The following SCMH1 variants were observed in gnomAD, a reference collection of about 807,000 sequenced individuals.
The protein encoded by SCMH1 is Scm polycomb group protein homolog 1.
A neutral mutation model predicts 70.8 loss-of-function variants in SCMH1; 37 were observed. That is an observed-to-expected ratio of 0.52 (90% CI 0.40 to 0.69). SCMH1 has a LOEUF of 0.69. Among genes scored for constraint, SCMH1 ranks in the 30% least tolerant of loss-of-function variants. The probability of loss-of-function intolerance (pLI) is 0.00; values close to 1 mark genes in which losing one functional copy is unlikely to be tolerated. For missense variants in SCMH1, 607 were observed against 827.3 expected (o/e 0.73, Z 3.27); for synonymous variants, 292 against 307.4 (o/e 0.95, Z 0.52).
chr1:41,174,261 A>ATTTT (rs140469563), intron 2 of SCMH1, among the ~76,000 whole-genome samples: 1 of 141,778 alleles, frequency 7.1e-6, no homozygotes, highest in Non-Finnish European at 1.5e-5. Flanking sequence ...AAAGTCTCCA[A>ATTTT]TTTTTTTTTT....
chr1:41,207,819 C>T lies in SCMH1; in HGVS notation c.-117-21569G>A, dbSNP rs548341755. Reference sequence around the variant, plus strand: ...GTGGAGAAATAGGAACACTTTTACACTGTTGGTGGGACTGTAAACTAGTTC... The same window carrying T: ...GTGGAGAAATAGGAACACTTTTACATTGTTGGTGGGACTGTAAACTAGTTC... On this transcript the variant is annotated intron_variant, in intron 1 of 14. Transcript: ENST00000337495. Among the ~76,000 whole-genome samples the T allele has an allele frequency of 1.1e-4, 16 of 151,970 alleles. No individual in the cohort carries two copies. In the East Asian group the frequency reaches 3.1e-3, roughly 30 times the overall value.
intron 10 of SCMH1, among the ~76,000 whole-genome samples, chr1:41,065,402 T>C (rs1027104529): frequency 2.7e-4 from 41 of 152,236 alleles, no homozygotes; most frequent in African/African-American, 8.4e-4. Context: ...CCAGGAAGAT[T>C]GAGGCTGCAG....
chr1:41,138,260 T>C (rs1161650328), intron 6 of SCMH1, among the ~76,000 whole-genome samples: 1 of 152,180 alleles, frequency 6.6e-6, no homozygotes, highest in African/African-American at 2.4e-5. Context: ...TACTAAAATA[T>C]GTCTTAGAGT....
At chr1:41,204,020 A>T (rs1300561094) in intron 1 of SCMH1, among the ~76,000 whole-genome samples, 6 of 152,144 alleles carry the variant, frequency 3.9e-5, no homozygotes, top group African/African-American at 1.4e-4. Flanking sequence ...GGTCTCAGCA[A>T]TGTTGTTCAA....
chr1:41,077,186 A>G (rs1385428241), intron 8 of SCMH1, among the ~76,000 whole-genome samples: 1 of 152,138 alleles, frequency 6.6e-6, no homozygotes, highest in Non-Finnish European at 1.5e-5. Flanking sequence ...GATTAGATGA[A>G]CTGGAATTCC....
chr1:41,069,238 G>T (rs918427706), intron 10 of SCMH1, among the ~76,000 whole-genome samples: 2 of 152,102 alleles, frequency 1.3e-5, no homozygotes, highest in African/African-American at 4.8e-5. Flanking sequence ...ATGGAGTTGG[G>T]GTAGGGAAAT....
chr1:41,190,229 A>T (rs773155892), intron 1 of SCMH1, among the ~76,000 whole-genome samples: 62 of 152,344 alleles, frequency 4.1e-4, no homozygotes, highest in Middle Eastern at 3.4e-3. Context: ...TTAAGAAACT[A>T]GGGAAGGTTA....
chr1:41,102,790 G>C (rs552599238), intron 8 of SCMH1, among the ~76,000 whole-genome samples: 1 of 152,238 alleles, frequency 6.6e-6, no homozygotes, highest in South Asian at 2.1e-4. Flanking sequence ...GTCTGCTAAT[G>C]GCTAGTCAAG....
intron 1 of SCMH1, among the ~76,000 whole-genome samples, chr1:41,232,600 TAA>T (rs1661519889): frequency 6.6e-6 from 1 of 152,208 alleles, no homozygotes; most frequent in African/African-American, 2.4e-5. Flanking sequence ...CTATTACTTA[TAA>T]ACTGCATAAT....
At chr1:41,135,282 T>A (rs1643096142) in intron 6 of SCMH1, among the ~76,000 whole-genome samples, 1 of 152,154 alleles carries the variant, frequency 6.6e-6, no homozygotes, top group African/African-American at 2.4e-5. Flanking sequence ...ACATCAGGCC[T>A]TACATGCTTT....
chr1:41,184,697 T>C (rs761639882), intron 2 of SCMH1, among the ~76,000 whole-genome samples: 7 of 152,030 alleles, frequency 4.6e-5, no homozygotes, highest in Non-Finnish European at 7.4e-5. Flanking sequence ...CTGTGGAGGA[T>C]TGGTTATACA....
At chr1:41,107,136 C>T (rs1475816650) in intron 8 of SCMH1, among the ~76,000 whole-genome samples, 1 of 151,522 alleles carries the variant, frequency 6.6e-6, no homozygotes, top group South Asian at 2.1e-4. Flanking sequence ...TGGAAGCCTT[C>T]GTTTGGAAGT....
intron 5 of SCMH1, among the ~76,000 whole-genome samples, chr1:41,146,302 TA>T (rs977524744): frequency 7.9e-5 from 12 of 152,146 alleles, no homozygotes; most frequent in African/African-American, 2.9e-4. Context: ...TCAAAAAAGT[TA>T]AAAAATTAAG....
At chr1:41,049,333 T>G (rs555042910) in intron 10 of SCMH1, among the ~76,000 whole-genome samples, 3 of 152,090 alleles carry the variant, frequency 2.0e-5, no homozygotes, top group Admixed American at 1.3e-4. Context: ...TGTGTGTGTA[T>G]GTATGTCATT....
At chr1:41,100,334 C>T (rs1666236300) in intron 8 of SCMH1, among the ~76,000 whole-genome samples, 1 of 151,964 alleles carries the variant, frequency 6.6e-6, no homozygotes, top group African/African-American at 2.4e-5. Context: ...GGTACTTTCC[C>T]AGTCTTATAA....
At chr1:41,081,063 T>C (rs1246616565) in intron 8 of SCMH1, among the ~76,000 whole-genome samples, 2 of 152,194 alleles carry the variant, frequency 1.3e-5, no homozygotes, top group African/African-American at 4.8e-5. Flanking sequence ...GAAAGGTCAC[T>C]AGATACAAAT....
At chr1:41,199,310 C>T (rs1217807958) in intron 1 of SCMH1, among the ~76,000 whole-genome samples, 1 of 152,196 alleles carries the variant, frequency 6.6e-6, no homozygotes, top group African/African-American at 2.4e-5. Flanking sequence ...CCAGTTACTG[C>T]TCCACCTAAG....
intron 8 of SCMH1, among the ~76,000 whole-genome samples, chr1:41,087,453 A>C (rs1662053116): frequency 6.6e-6 from 1 of 152,072 alleles, no homozygotes; most frequent in African/African-American, 2.4e-5. Context: ...GGACTTTTAA[A>C]ATTGAGAGGA....
At chr1:41,223,993 T>C (rs1659779056) in intron 1 of SCMH1, among the ~76,000 whole-genome samples, 1 of 152,128 alleles carries the variant, frequency 6.6e-6, no homozygotes, top group African/African-American at 2.4e-5. Context: ...GCCTACCCTC[T>C]AGCCTCACCT....
Sources: allele counts gnomAD v4.1 joint callset (sites outside exome capture counted in the v4.1 genomes callset), GRCh38; gene constraint gnomAD v4.1.1; transcripts MANE v1.5; gene names NCBI Gene and HGNC (gene_info 2026-07-23, HGNC 2026-07-21).